The following LRRC8D variants were observed in gnomAD, a reference collection of about 807,000 sequenced individuals.
LRRC8D encodes leucine rich repeat containing 8 VRAC subunit D, also known as volume-regulated anion channel subunit LRRC8D.
In LRRC8D, 20 loss-of-function variants were observed where a neutral mutation model predicts 55.8. That is an observed-to-expected ratio of 0.36 (90% confidence interval 0.25 to 0.52). LRRC8D has a LOEUF of 0.52. Ranked by LOEUF, LRRC8D falls within the 20% of genes least tolerant of loss-of-function variation. The probability of loss-of-function intolerance (pLI) is 0.93; values close to 1 mark genes in which losing one functional copy is unlikely to be tolerated. For synonymous variants in LRRC8D, 352 were observed against 377.0 expected (o/e 0.93, Z 0.77); for missense variants, 651 against 1,030.8 (o/e 0.63, Z 5.05).
chr1:89,877,534 C>T (rs1250853090), intron 2 of LRRC8D, among the ~76,000 whole-genome samples: 1 of 151,966 alleles, frequency 6.6e-6, no homozygotes, highest in East Asian at 1.9e-4. Context: ...CATATTTGCC[C>T]CACTCCCCCT....
At chr1:89,896,861 CA>C (rs915149208) in intron 2 of LRRC8D, among the ~76,000 whole-genome samples, 11 of 152,014 alleles carry the variant, frequency 7.2e-5, no homozygotes, top group Middle Eastern at 6.8e-3. Flanking sequence ...CACATATTCT[CA>C]AAAAAAATTA....
rs758695904 is a variant in LRRC8D at position 89,934,787 on chromosome 1, T to C, written c.1719T>C (p.Ser573=). ...RELYLIGNLN[S]ENNKMIGLES... is the part of the protein sequence containing the mutation. ...TGTACTTAATAGGCAATTTGAACTC[T>C]GAAAACAATAAGATGATAGGACTTG... is the stretch of plus-strand genomic sequence containing the variant. The change falls in exon 3 of 3, where the codon TCT becomes TCC. Residue 573 remains serine (S), a synonymous_variant. Coordinates refer to ENST00000337338, the MANE Select transcript of LRRC8D (RefSeq NM_001134479.2). The surrounding 1 kb of genome is among the most constrained non-coding windows in gnomAD (Gnocchi z 5.9). The C allele has an allele frequency of 1.2e-6, 2 of 1,614,138 alleles. No individual in the cohort carries two copies. Among genetic ancestry groups the C allele is most frequent in the South Asian group, 2.2e-5 (2 of 91,084 alleles).
intron 2 of LRRC8D, among the ~76,000 whole-genome samples, chr1:89,901,700 T>G (rs1452378463): frequency 6.6e-6 from 1 of 152,186 alleles, no homozygotes; most frequent in South Asian, 2.1e-4. Context: ...GCTCAAATAT[T>G]TTTTTTAAAA....
At chr1:89,896,469 G>T (rs1346365871) in intron 2 of LRRC8D, among the ~76,000 whole-genome samples, 2 of 152,172 alleles carry the variant, frequency 1.3e-5, no homozygotes, top group Non-Finnish European at 2.9e-5. Flanking sequence ...TACACACTGG[G>T]AGTTTGCTAA....
intron 2 of LRRC8D, among the ~76,000 whole-genome samples, chr1:89,866,913 C>T (rs745986495): frequency 3.9e-5 from 6 of 151,970 alleles, no homozygotes. Context: ...AAGGAAAAAT[C>T]GGTGTGATGT....
In LRRC8D at chr1:89,882,672, G is replaced by C. The variant is rs574678249; in HGVS notation, c.-3+38890G>C. On this transcript the variant is annotated intron_variant, in intron 2 of 2. Transcript: ENST00000337338. ...CAAGTGTTTTTGTATTCCCAGCAGA[G>C]TTCTGGCGCCAAAGTGCTAATAAAT... Among the ~76,000 whole-genome samples, 276 of 152,318 alleles carry C rather than the reference G, an allele frequency of 1.8e-3. 2 individuals are homozygous for C. The highest frequency in any genetic ancestry group is 6.3e-3 in the African/African-American group (262 of 41,562).
intron 2 of LRRC8D, among the ~76,000 whole-genome samples, chr1:89,895,784 C>T (rs1346881775): frequency 2.0e-5 from 3 of 152,044 alleles, no homozygotes; most frequent in Non-Finnish European, 4.4e-5. Context: ...TTAGTAATCT[C>T]TTTATCATGT....
At chr1:89,842,446 T>A (rs1296967480) in intron 1 of LRRC8D, among the ~76,000 whole-genome samples, 1 of 152,202 alleles carries the variant, frequency 6.6e-6, no homozygotes, top group Non-Finnish European at 1.5e-5. Context: ...TAAAATGAGA[T>A]GTTGTCTAGC....
chr1:89,873,237 C>T (rs535920240), intron 2 of LRRC8D, among the ~76,000 whole-genome samples: 33 of 152,240 alleles, frequency 2.2e-4, no homozygotes, highest in African/African-American at 6.5e-4. Context: ...TCAAAGCTGT[C>T]GATGCAAAGT....
Position 89,934,679 on chromosome 1 carries a change from T to A in LRRC8D, c.1611T>A (p.Asp537Glu), listed in dbSNP as rs755227009. Reference sequence around the variant, plus strand: ...AGACTGCTTTTAGCTTTCTTCGCGATCACTTGAGATGCCTTCACGTGAAGT... The same window carrying A: ...AGACTGCTTTTAGCTTTCTTCGCGAACACTTGAGATGCCTTCACGTGAAGT... ...VEQTAFSFLR[D>E]HLRCLHVKFT... Residue 537 changes from aspartate (D) to glutamate (E), a missense_variant, in exon 3 of 3, where the codon GAT becomes GAA. Physicochemically the swap from Asp to Glu is conservative, Grantham distance 45. This residue lies in a region of LRRC8D where 338 missense variants were observed against 479.4 expected (regional missense o/e 0.71). Transcript: ENST00000337338. The surrounding 1 kb of genome is among the most constrained non-coding windows in gnomAD (Gnocchi z 5.9). 4 of 1,614,224 alleles carry A rather than the reference T, an allele frequency of 2.5e-6. No homozygotes were observed. Among genetic ancestry groups the A allele is most frequent in the Non-Finnish European group, 3.4e-6 (4 of 1,180,042 alleles).
At chr1:89,913,052 G>A (rs985250513) in intron 2 of LRRC8D, among the ~76,000 whole-genome samples, 1 of 152,244 alleles carries the variant, frequency 6.6e-6, no homozygotes, top group Non-Finnish European at 1.5e-5. Flanking sequence ...CTACACACGT[G>A]ATTTCTAAGG....
At chr1:89,845,582 G>A (rs910933406) in intron 2 of LRRC8D, among the ~76,000 whole-genome samples, 1 of 151,554 alleles carries the variant, frequency 6.6e-6, no homozygotes, top group East Asian at 1.9e-4. Flanking sequence ...GATTACAGGT[G>A]CACGCCACCA....
At chr1:89,905,018 C>T (rs1383791877) in intron 2 of LRRC8D, among the ~76,000 whole-genome samples, 1 of 126,562 alleles carries the variant, frequency 7.9e-6, no homozygotes, top group Admixed American at 8.0e-5. Context: ...TTTAAATAAC[C>T]CTTTTATAAA....
chr1:89,846,097 C>T (rs900969228), intron 2 of LRRC8D, among the ~76,000 whole-genome samples: 2 of 152,060 alleles, frequency 1.3e-5, no homozygotes, highest in African/African-American at 2.4e-5. Flanking sequence ...TACTTTTATA[C>T]CTATGTGTGT....
intron 2 of LRRC8D, 52 bp downstream of exon 2, chr1:89,843,834 C>T (rs1661202637): frequency 4.9e-6 from 3 of 614,898 alleles, no homozygotes; most frequent in Non-Finnish European, 5.9e-6. Context: ...GTCTGCGGCA[C>T]GGAGCACTGC....
chr1:89,862,740 C>G (rs1418061131), intron 2 of LRRC8D, among the ~76,000 whole-genome samples: 1 of 152,170 alleles, frequency 6.6e-6, no homozygotes, highest in East Asian at 1.9e-4. Context: ...AGCACATGTT[C>G]ATAATTGCTG....
intron 2 of LRRC8D, among the ~76,000 whole-genome samples, chr1:89,908,620 G>A (rs1001958038): frequency 6.6e-6 from 1 of 152,224 alleles, no homozygotes; most frequent in African/African-American, 2.4e-5. Flanking sequence ...GACCAGTTAT[G>A]TATGTGTGTT....
chr1:89,926,243 C>T (rs1266569517), intron 2 of LRRC8D, among the ~76,000 whole-genome samples: 1 of 152,236 alleles, frequency 6.6e-6, no homozygotes, highest in South Asian at 2.1e-4. Flanking sequence ...GATAGCAATG[C>T]CCTTACTATT....
At chr1:89,932,574 T>C (rs1347526003) in intron 2 of LRRC8D, among the ~76,000 whole-genome samples, 2 of 152,222 alleles carry the variant, frequency 1.3e-5, no homozygotes, top group Non-Finnish European at 2.9e-5. Flanking sequence ...ATTATACAGA[T>C]GGGAAATACA....
Sources: gnomAD v4.1 joint callset for allele counts (sites outside exome capture counted in the v4.1 genomes callset) on GRCh38, gnomAD v4.1.1 for gene constraint, gnomAD v4.1.1 regional missense constraint, Gnocchi (gnomAD v3.1) non-coding constraint, MANE v1.5 for transcripts, NCBI Gene and HGNC (gene_info 2026-07-23, HGNC 2026-07-21) for gene names.